The following MICAL2 variants were observed in gnomAD, a reference collection of about 807,000 sequenced individuals.
MICAL2 encodes microtubule associated monooxygenase, calponin and LIM domain containing 2, also known as [F-actin]-monooxygenase MICAL2.
MICAL2 carries 77 observed loss-of-function variants against 127.3 expected under a neutral mutation model. The observed-to-expected ratio is 0.60, with a 90% CI of 0.50 to 0.73. The LOEUF is 0.73. Ranked by LOEUF, MICAL2 falls within the 30% of genes least tolerant of loss-of-function variation. The pLI is 0.00. For missense variants in MICAL2, 1,351 were observed against 1,434.4 expected (o/e 0.94, Z 0.94); for synonymous variants, 570 against 551.1 (o/e 1.03, Z -0.48).
intron 32 of MICAL2, among the ~76,000 whole-genome samples, chr11:12,346,746 A>T (rs1938961599): frequency 6.6e-6 from 1 of 152,170 alleles, no homozygotes; most frequent in South Asian, 2.1e-4. Context: ...CCAGTTACCT[A>T]AAGAGCTGGA....
intron 3 of MICAL2, among the ~76,000 whole-genome samples, chr11:12,173,491 C>T (rs542676792): frequency 2.6e-5 from 4 of 152,336 alleles, no homozygotes; most frequent in Non-Finnish European, 4.4e-5. Flanking sequence ...CTTGCATTTA[C>T]TCTTTGCCCC....
intron 30 of MICAL2, among the ~76,000 whole-genome samples, chr11:12,323,671 G>A (rs1458276770): frequency 6.6e-6 from 1 of 152,030 alleles, no homozygotes; most frequent in Non-Finnish European, 1.5e-5. Flanking sequence ...ACCTACTAGC[G>A]ACATGTGGCT....
intron 21 of MICAL2, among the ~76,000 whole-genome samples, chr11:12,248,029 C>A (rs1167424080): frequency 1.3e-5 from 2 of 152,192 alleles, no homozygotes; most frequent in Non-Finnish European, 2.9e-5. Flanking sequence ...TTCCGAGGAT[C>A]CGTGAATAAT....
intron 14 of MICAL2, 32 bp downstream of exon 14, chr11:12,226,402 C>T (rs375909720): frequency 1.9e-6 from 3 of 1,603,628 alleles, no homozygotes; most frequent in African/African-American, 2.7e-5. Flanking sequence ...TTGCTTAGCC[C>T]CTTGAGCCAA....
chr11:12,327,404 CA>C (rs774175605), intron 32 of MICAL2: 2 of 702,196 alleles, frequency 2.8e-6, no homozygotes, highest in Non-Finnish European at 4.7e-6. Context: ...ACAAGTGCCG[CA>C]CACTTTAAAC....
chr11:12,257,001 C>A, intron 24 of MICAL2, 30 bp downstream of exon 24: 1 of 1,588,580 alleles, frequency 6.3e-7, no homozygotes, highest in Non-Finnish European at 8.6e-7. Flanking sequence ...CAGCACTGGG[C>A]TCTGGCCTTG....
intron 32 of MICAL2, among the ~76,000 whole-genome samples, chr11:12,339,460 C>G (rs145560534): frequency 0.015 from 2,253 of 152,288 alleles, 24 homozygotes; most frequent in South Asian, 0.025. Context: ...CAAAGTCATT[C>G]TCCATCCAGC....
At chr11:12,326,767 A>C (rs1590738829) in intron 31 of MICAL2, among the ~76,000 whole-genome samples, 1 of 152,116 alleles carries the variant, frequency 6.6e-6, no homozygotes, top group Admixed American at 6.6e-5. Context: ...TAGATTATGC[A>C]AGTACTTTGT....
At chr11:12,218,070 T>G (rs760236946) in intron 8 of MICAL2, among the ~76,000 whole-genome samples, 7 of 152,228 alleles carry the variant, frequency 4.6e-5, no homozygotes, top group Non-Finnish European at 1.0e-4. Flanking sequence ...AGTAAATGTT[T>G]GTTGAATGAA....
At chr11:12,176,211 C>T (rs6485543) in intron 3 of MICAL2, among the ~76,000 whole-genome samples, 101,107 of 151,982 alleles carry the variant, frequency 0.67, 33,693 homozygotes, top group Middle Eastern at 0.74. Flanking sequence ...TTAGGGCAGA[C>T]TTGGCCATTC....
At chr11:12,177,214 T>C (rs1166289483) in intron 3 of MICAL2, among the ~76,000 whole-genome samples, 1 of 152,206 alleles carries the variant, frequency 6.6e-6, no homozygotes, top group African/African-American at 2.4e-5. Flanking sequence ...AGGTGGCATC[T>C]CATGATTTTG....
chr11:12,330,895 G>GAA (rs1864416601), intron 32 of MICAL2, among the ~76,000 whole-genome samples: 1 of 132,220 alleles, frequency 7.6e-6, no homozygotes, highest in Admixed American at 7.5e-5. Context: ...GAGAGAGAGA[G>GAA]AGAGAGTGTG....
intron 3 of MICAL2, among the ~76,000 whole-genome samples, chr11:12,183,214 T>G (rs1857712426): frequency 6.6e-6 from 1 of 151,986 alleles, no homozygotes; most frequent in Admixed American, 6.6e-5. Context: ...AGTTTTGTGG[T>G]CACTGGGTTT....
chr11:12,288,747 G>C (rs1399040300), downstream of MICAL2, among the ~76,000 whole-genome samples: 4 of 152,168 alleles, frequency 2.6e-5, no homozygotes, highest in Non-Finnish European at 5.9e-5. Context: ...GGAGGACATG[G>C]ATTCAGGCCT....
chr11:12,189,243 C>G (rs1473294918), intron 3 of MICAL2, among the ~76,000 whole-genome samples: 2 of 152,226 alleles, frequency 1.3e-5, no homozygotes, highest in East Asian at 3.9e-4. Context: ...TGCCTCTACT[C>G]TTTCCCAGTC....
At chr11:12,306,414 A>G (rs1227451505) in intron 29 of MICAL2, among the ~76,000 whole-genome samples, 2 of 152,206 alleles carry the variant, frequency 1.3e-5, no homozygotes, top group Non-Finnish European at 2.9e-5. Context: ...TCATTTAGGT[A>G]GAAAAACAAT....
intron 29 of MICAL2, among the ~76,000 whole-genome samples, chr11:12,319,021 T>G (rs1337582913): frequency 1.3e-5 from 2 of 152,238 alleles, no homozygotes; most frequent in Admixed American, 6.5e-5. Context: ...TGTGATAACA[T>G]CTGCAAGTTG....
intron 26 of MICAL2, chr11:12,260,106 A>G: frequency 6.5e-7 from 1 of 1,536,262 alleles, no homozygotes; most frequent in Non-Finnish European, 8.7e-7. Flanking sequence ...TGTACAGGGA[A>G]TCTGAGGGCT....
At chr11:12,243,950 G>A (rs756893301) in intron 20 of MICAL2, 37 bp from the exon 21 acceptor site, 2 of 1,611,220 alleles carry the variant, frequency 1.2e-6, no homozygotes, top group Non-Finnish European at 1.7e-6. Context: ...GTGACTCCTG[G>A]GATAATCCTT....
Sources: allele counts gnomAD v4.1 joint callset (sites outside exome capture counted in the v4.1 genomes callset), GRCh38; gene constraint gnomAD v4.1.1; transcripts MANE v1.5; gene names NCBI Gene and HGNC (gene_info 2026-07-23, HGNC 2026-07-21).